GIPC3: variants seen among roughly 807,000 people sequenced by gnomAD.
GIPC3 encodes GIPC PDZ domain containing family member 3.
A neutral mutation model predicts 27.3 loss-of-function variants in GIPC3; 16 were observed. The observed-to-expected ratio is 0.59, with a 90% CI of 0.40 to 0.89. GIPC3 has a LOEUF of 0.89. GIPC3 is among the 40% of genes least tolerant of loss of function. The pLI is 0.00. For missense variants in GIPC3, 440 were observed against 442.1 expected (o/e 1.00, Z 0.04); for synonymous variants, 194 against 184.6 (o/e 1.05, Z -0.41).
chr19:3,592,479 C>T lies in GIPC3; in HGVS notation c.*2289C>T. 1 of 1,231,988 alleles carries T rather than the reference C, an allele frequency of 8.1e-7. No individual in the cohort carries two copies. The highest frequency in any genetic ancestry group is 1.0e-6 in the Non-Finnish European group (1 of 987,984). The allele number at this position is 1,231,988 out of a possible 1,614,324, so 76.3% of individuals were successfully genotyped here. ...AACTCAGACTAGTTCTGGAAACCAG[C>T]TCAGCTCCGGGACCCAGACCACTGC... On this transcript the variant is annotated 3_prime_UTR_variant, in exon 6 of 6. Transcript: ENST00000644452.
Position 3,585,767 on chromosome 19 carries a change from A to C in GIPC3, c.170A>C (p.Asn57Thr), listed in dbSNP as rs769804873. 3.6e-5 allele frequency: 56 copies of C among 1,547,104 alleles called. No homozygotes were observed. The highest frequency in any genetic ancestry group is 4.5e-5 in the Non-Finnish European group (52 of 1,146,010). The stretch of plus-strand genomic sequence containing the variant: ...ACGGGCAAGATCGAGGGCTTCACCA[A>C]CGTCCGCGAGCTGTACGCCAAGATC... The part of the protein sequence containing the change: ...SPTGKIEGFT[N>T]VRELYAKIAE... The change falls in exon 1 of 6, where the codon AAC becomes ACC. Residue 57 changes from asparagine (N) to threonine (T), a missense_variant. Coordinates refer to ENST00000644452, the MANE Select transcript of GIPC3 (RefSeq NM_133261.3).
chr19:3,590,952 A>C lies in GIPC3; in HGVS notation c.*762A>C, dbSNP rs754582560. The C allele has an allele frequency of 8.1e-7, 1 of 1,233,488 alleles. No individual in the cohort carries two copies. Among genetic ancestry groups the C allele is most frequent in the Non-Finnish European group, 1.0e-6 (1 of 989,212 alleles). The allele number at this position is 1,233,488 out of a possible 1,614,324, so 76.4% of individuals were successfully genotyped here. A position where few individuals can be genotyped will look rare whatever the true frequency, so the allele number is the denominator to read the frequency against. On this transcript the variant is annotated 3_prime_UTR_variant, in exon 6 of 6. Transcript: ENST00000644452. ...TCAGATGAGCTCTGAGACAGAGCCC[A>C]GTATTGAGACCAAGCCCTGTTCTAG... is the stretch of plus-strand genomic sequence containing the variant.
chr19:3,585,634 G>C lies in GIPC3; in HGVS notation c.37G>C (p.Glu13Gln). 1 of 1,186,428 alleles carries C rather than the reference G, an allele frequency of 8.4e-7. No individual in the cohort carries two copies. Among genetic ancestry groups the C allele is most frequent in the Non-Finnish European group, 1.0e-6 (1 of 961,176 alleles). The allele number at this position is 1,186,428 out of a possible 1,614,324, so 73.5% of individuals were successfully genotyped here. A position where few individuals can be genotyped will look rare whatever the true frequency, so the allele number is the denominator to read the frequency against. Residue 13 changes from glutamate to glutamine, a missense_variant, in exon 1 of 6, where the codon GAG becomes CAG. By Grantham distance (29) the Glu-to-Gln change is conservative. Coordinates refer to ENST00000644452, the MANE Select transcript of GIPC3 (RefSeq NM_133261.3). The stretch of plus-strand genomic sequence containing the variant: ...AGCGGCCCGGGAGGCCCGGGGGACC[G>C]AGACCCCGCGCGCGTCTGCGCCCCC... ...GAAAREARGT[E>Q]TPRASAPPPA...
Position 3,586,523 on chromosome 19 carries a change from A to G in GIPC3, c.254A>G (p.Lys85Arg), listed in dbSNP as rs1440790666. Residue 85 changes from lysine to arginine, a missense_variant, in exon 2 of 6, where the codon AAA becomes AGA. Coordinates refer to ENST00000644452, the MANE Select transcript of GIPC3 (RefSeq NM_133261.3). ...TTATTCTGCACCCTCAACAGCCACA[A>G]AGTGGACATGCAGAAGCTCCTGGGG... ...EILFCTLNSH[K>R]VDMQKLLGGQ... 6.2e-7 allele frequency: 1 copy of G among 1,613,874 alleles called. No homozygotes were observed. The highest frequency in any genetic ancestry group is 8.5e-7 in the Non-Finnish European group (1 of 1,179,976).
At position 3,589,495 on chromosome 19, in the gene GIPC3, G is replaced by C; in HGVS notation, c.645G>C (p.Val215=). Reference sequence around the variant, plus strand: ...GCAAATGTCCAGTAGAGGCGAAAGTGACCAGCGGGAGGGAGACCCTGCGGC... The same window carrying C: ...GCAAATGTCCAGTAGAGGCGAAAGTCACCAGCGGGAGGGAGACCCTGCGGC... ...RSSKCPVEAK[V]TSGRETLRLR... Residue 215 remains valine, a synonymous_variant, in exon 4 of 6, where the codon GTG becomes GTC. Coordinates refer to ENST00000644452, the MANE Select transcript of GIPC3 (RefSeq NM_133261.3). The C allele has an allele frequency of 6.2e-7, 1 of 1,614,086 alleles. No homozygotes were observed. Among genetic ancestry groups the C allele is most frequent in the Non-Finnish European group, 8.5e-7 (1 of 1,180,026 alleles).
chr19:3,590,362 C>T lies in GIPC3; in HGVS notation c.*172C>T. ...CCCTTCTCTAGAATCCAGCCCAGAT[C>T]TGAGGCCAAGCTATGTGCTAGAGCC... On this transcript the variant is annotated 3_prime_UTR_variant, in exon 6 of 6. Transcript: ENST00000644452. 1 of 1,439,516 alleles carries T rather than the reference C, an allele frequency of 6.9e-7. No individual in the cohort carries two copies. The highest frequency in any genetic ancestry group is 9.1e-7 in the Non-Finnish European group (1 of 1,101,214). 89.2% of individuals were successfully genotyped at this position (1,439,516 alleles called of 1,614,324 possible).
Position 3,590,671 on chromosome 19 carries a change from G to A in GIPC3, c.*481G>A, listed in dbSNP as rs534827519. 15 of 1,042,018 alleles carry A rather than the reference G, an allele frequency of 1.4e-5. No homozygotes were observed. In the South Asian group the frequency reaches 3.2e-4, roughly 22 times the overall value. 64.5% of individuals were successfully genotyped at this position (1,042,018 alleles called of 1,614,324 possible). ...GGCTCTGAGACCGAGCCCAGCTCTA[G>A]AACTCAGATGGGCTCTGAGACCGAG... On this transcript the variant is annotated 3_prime_UTR_variant, in exon 6 of 6. Coordinates refer to ENST00000644452, the MANE Select transcript of GIPC3 (RefSeq NM_133261.3).
Position 3,592,278 on chromosome 19 carries a change from C to T in GIPC3, c.*2088C>T. The T allele has an allele frequency of 8.1e-7, 1 of 1,232,176 alleles. No homozygotes were observed. Among genetic ancestry groups the T allele is most frequent in the Non-Finnish European group, 1.0e-6 (1 of 988,034 alleles). The allele number at this position is 1,232,176 out of a possible 1,614,324, so 76.3% of individuals were successfully genotyped here. A position where few individuals can be genotyped will look rare whatever the true frequency, so the allele number is the denominator to read the frequency against. On this transcript the variant is annotated 3_prime_UTR_variant, in exon 6 of 6. Transcript: ENST00000644452. ...TAGATACCAGCTCCAGACCACAGCC[C>T]CAGACAGCTCTGGTATTCAACTGGA...
In GIPC3 at chr19:3,589,554, C is replaced by A; in HGVS notation, c.704C>A (p.Ala235Glu). ...GGGGGGGCTGCCACAGTGGAGGAAG[C>A]GGTGAGTGAAGGGGAGGGGCTCTCC... ...RSGGAATVEEAPSEFEEEASR... is the reference protein window; with the variant it reads ...RSGGAATVEEEPSEFEEEASR... The change falls in exon 4 of 6, where the codon GCG (alanine) becomes GAG (glutamate). Residue 235 changes from alanine (A) to glutamate (E), a missense_variant and splice_region_variant. Ala to Glu is a moderately radical substitution (Grantham distance 107). Coordinates refer to ENST00000644452, the MANE Select transcript of GIPC3 (RefSeq NM_133261.3). 1 of 1,611,266 alleles carries A rather than the reference C, an allele frequency of 6.2e-7. No individual in the cohort carries two copies. Among genetic ancestry groups the A allele is most frequent in the Non-Finnish European group, 8.5e-7 (1 of 1,177,628 alleles).
Position 3,585,636 on chromosome 19 carries a change from G to A in GIPC3, c.39G>A (p.Glu13=). 1 of 1,189,002 alleles carries A rather than the reference G, an allele frequency of 8.4e-7. No homozygotes were observed. Among genetic ancestry groups the A allele is most frequent in the Non-Finnish European group, 1.0e-6 (1 of 962,868 alleles). 73.7% of individuals were successfully genotyped at this position (1,189,002 alleles called of 1,614,324 possible). A position where few individuals can be genotyped will look rare whatever the true frequency, so the allele number is the denominator to read the frequency against. ...GAAAREARGT[E]TPRASAPPPA... The stretch of plus-strand genomic sequence containing the variant: ...CGGCCCGGGAGGCCCGGGGGACCGA[G>A]ACCCCGCGCGCGTCTGCGCCCCCGC... Residue 13 remains glutamate, a synonymous_variant, in exon 1 of 6, where the codon GAG becomes GAA. Coordinates refer to ENST00000644452, the MANE Select transcript of GIPC3 (RefSeq NM_133261.3).
At chr19:3,588,895 G>A (rs1013255447) in intron 3 of GIPC3, among the ~76,000 whole-genome samples, 12 of 150,060 alleles carry the variant, frequency 8.0e-5, no homozygotes, top group Non-Finnish European at 1.3e-4. Flanking sequence ...AGTAAGCCGA[G>A]ATCGTGCCAT....
Position 3,586,734 on chromosome 19 carries a change from C to G in GIPC3, c.411+54C>G, listed in dbSNP as rs929822321. The stretch of plus-strand genomic sequence containing the variant: ...TCCTGGGGTCCAGCAACTGCCCCCC[C>G]CACTCTGGGTCGACGTGGGTTCTGC... On this transcript the variant is annotated intron_variant, in intron 2 of 5. Coordinates refer to ENST00000644452, the MANE Select transcript of GIPC3 (RefSeq NM_133261.3). The G allele has an allele frequency of 5.0e-6, 8 of 1,610,534 alleles. No homozygotes were observed. The South Asian group carries it at 6.6e-5, about 13-fold the overall frequency.
chr19:3,590,048 T>C lies in GIPC3; in HGVS notation c.797T>C (p.Met266Thr). ...CTGGCACGGCCCGCAGCGTCCACCA[T>C]GGTGGAGACGTCCAAGAAGACAGCG... The part of the protein sequence containing the change: ...GIRDPELAST[M>T]VETSKKTASA... The change falls in exon 6 of 6, where the codon ATG (methionine) becomes ACG (threonine). Residue 266 changes from methionine to threonine, a missense_variant. Coordinates refer to ENST00000644452, the MANE Select transcript of GIPC3 (RefSeq NM_133261.3). 6.2e-7 allele frequency: 1 copy of C among 1,612,482 alleles called. No homozygotes were observed. Among genetic ancestry groups the C allele is most frequent in the Non-Finnish European group, 8.5e-7 (1 of 1,179,414 alleles).
Position 3,592,770 on chromosome 19 carries a change from A to G in GIPC3, c.*2580A>G. Reference sequence around the variant, plus strand: ...TCAGCCCAGCCCTGGAGCCCACCTTAGTTCTGGAACCCAGCCTGTTTCTGG... The same window carrying G: ...TCAGCCCAGCCCTGGAGCCCACCTTGGTTCTGGAACCCAGCCTGTTTCTGG... On this transcript the variant is annotated 3_prime_UTR_variant, in exon 6 of 6. Transcript: ENST00000644452. 1 of 1,232,046 alleles carries G rather than the reference A, an allele frequency of 8.1e-7. No individual in the cohort carries two copies. Among genetic ancestry groups the G allele is most frequent in the South Asian group, 4.1e-5 (1 of 24,320 alleles). The allele number at this position is 1,232,046 out of a possible 1,614,324, so 76.3% of individuals were successfully genotyped here. A position where few individuals can be genotyped will look rare whatever the true frequency, so the allele number is the denominator to read the frequency against.
At position 3,590,827 on chromosome 19, in the gene GIPC3, G is replaced by A; in HGVS notation, c.*637G>A. On this transcript the variant is annotated 3_prime_UTR_variant, in exon 6 of 6. Transcript: ENST00000644452. ...GAGCCCAGCTCTAGAACTCAGATGG[G>A]CTCTGAGACCATGCCCAGCTCTAGA... The A allele has an allele frequency of 8.1e-7, 1 of 1,236,830 alleles. No homozygotes were observed. 76.6% of individuals were successfully genotyped at this position (1,236,830 alleles called of 1,614,324 possible). A position where few individuals can be genotyped will look rare whatever the true frequency, so the allele number is the denominator to read the frequency against.
Position 3,591,084 on chromosome 19 carries a change from G to T in GIPC3, c.*894G>T. 3 of 1,233,074 alleles carry T rather than the reference G, an allele frequency of 2.4e-6. No homozygotes were observed. The highest frequency in any genetic ancestry group is 3.0e-6 in the Non-Finnish European group (3 of 988,712). 76.4% of individuals were successfully genotyped at this position (1,233,074 alleles called of 1,614,324 possible). On this transcript the variant is annotated 3_prime_UTR_variant, in exon 6 of 6. Transcript: ENST00000644452. Reference sequence around the variant, plus strand: ...GTGTTCTAGAATTCAGGCCACATCTGAAGCCAAGCCCAGCTCTAGAACTCA... The same window carrying T: ...GTGTTCTAGAATTCAGGCCACATCTTAAGCCAAGCCCAGCTCTAGAACTCA...
chr19:3,589,771 G>A (rs2032445497), intron 4 of GIPC3, 60 bp from the exon 5 acceptor site: 4 of 1,548,542 alleles, frequency 2.6e-6, no homozygotes, highest in African/African-American at 1.4e-5. Flanking sequence ...GGTCGGGAGG[G>A]GGCTGGGCTG....
At position 3,592,115 on chromosome 19, in the gene GIPC3, C is replaced by A; in HGVS notation, c.*1925C>A. 4 of 1,232,096 alleles carry A rather than the reference C, an allele frequency of 3.2e-6. No individual in the cohort carries two copies. The highest frequency in any genetic ancestry group is 3.0e-6 in the Non-Finnish European group (3 of 988,062). 76.3% of individuals were successfully genotyped at this position (1,232,096 alleles called of 1,614,324 possible). A position where few individuals can be genotyped will look rare whatever the true frequency, so the allele number is the denominator to read the frequency against. On this transcript the variant is annotated 3_prime_UTR_variant, in exon 6 of 6. Transcript: ENST00000644452. ...CTGGAGTCCAATCTAGTCCTGGGAC[C>A]CAGGCCATCGCAGCAATAGAATTAA...
At chr19:3,585,971 A>G in intron 1 of GIPC3, 149 bp downstream of exon 1, 2 of 1,373,740 alleles carry the variant, frequency 1.5e-6, no homozygotes, top group East Asian at 5.3e-5. Context: ...CCCAGCCCTC[A>G]GATCCCGGGG....
Sources: allele counts gnomAD v4.1 joint callset (sites outside exome capture counted in the v4.1 genomes callset), GRCh38; gene constraint gnomAD v4.1.1; transcripts MANE v1.5; gene names NCBI Gene and HGNC (gene_info 2026-07-23, HGNC 2026-07-21).